The following NBPF14 variants were observed in gnomAD, a reference collection of about 807,000 sequenced individuals.
NBPF14 encodes the protein NBPF member 14.
In NBPF14, 104 loss-of-function variants were observed where a neutral mutation model predicts 91.2. That is an observed-to-expected ratio of 1.14 (90% CI 0.97 to 1.34). The LOEUF is 1.34. NBPF14 is among the 40% of genes most tolerant of loss of function. The probability of loss-of-function intolerance (pLI) is 0.00; values close to 1 mark genes in which losing one functional copy is unlikely to be tolerated. For synonymous variants in NBPF14, 294 were observed against 303.8 expected (o/e 0.97, Z 0.34); for missense variants, 908 against 783.0 (o/e 1.16, Z -1.91).
Position 148,569,611 on chromosome 1 carries a change from G to T in NBPF14, c.3093-184C>A, listed in dbSNP as rs1281594467. ...GGGCCAGATAGAAAACAATGAAAGA[G>T]AGAGACAGACAGAGACAGAGACAGA... On this transcript the variant is annotated intron_variant, in intron 24 of 70. Transcript: ENST00000619423. 1.4e-4 allele frequency among the ~76,000 whole-genome samples: 5 copies of T among 35,586 alleles called. No individual in the cohort carries two copies. In the East Asian group the frequency reaches 4.2e-3, roughly 30 times the overall value. 23.3% of individuals were successfully genotyped at this position (35,586 alleles called of 152,430 possible).
rs1296816834 is a variant in NBPF14 at position 148,534,462 on chromosome 1, C to G, written c.8614+222G>C. ...TGTCATGAGAATAGGATCAGGGCGCCACAGGTATGGCCTGAGACTAGGAAG... is the reference window on the plus strand; with the variant it reads ...TGTCATGAGAATAGGATCAGGGCGCGACAGGTATGGCCTGAGACTAGGAAG... On this transcript the variant is annotated intron_variant, in intron 69 of 70. Coordinates refer to ENST00000619423, the Ensembl canonical transcript of NBPF14. Among the ~76,000 whole-genome samples the G allele has an allele frequency of 3.7e-3, 555 of 151,758 alleles. 5 individuals carry two copies. Among genetic ancestry groups the G allele is most frequent in the African/African-American group, 0.013 (526 of 41,276 alleles).
intron 2 of NBPF14, among the ~76,000 whole-genome samples, chr1:148,595,302 G>C (rs1454899794): frequency 6.7e-6 from 1 of 148,246 alleles, no homozygotes; most frequent in Admixed American, 6.7e-5. Flanking sequence ...GCCTGCGTTA[G>C]AAATCAATAA....
chr1:148,594,927 A>G lies in NBPF14; in HGVS notation c.175+616T>C, dbSNP rs1663063987. On this transcript the variant is annotated intron_variant, in intron 2 of 70. Coordinates refer to ENST00000619423, the Ensembl canonical transcript of NBPF14. Reference sequence around the variant, plus strand: ...TGCCCAGGCTAGTCTCAAACTGCTGACCTCGTGCTCTGCCCGCCTCAGCCT... The same window carrying G: ...TGCCCAGGCTAGTCTCAAACTGCTGGCCTCGTGCTCTGCCCGCCTCAGCCT... Among the ~76,000 whole-genome samples the G allele has an allele frequency of 1.9e-4, 21 of 112,534 alleles. 1 individual carries two copies. The allele number at this position is 112,534 out of a possible 152,430, so 73.8% of individuals were successfully genotyped here. A position where few individuals can be genotyped will look rare whatever the true frequency, so the allele number is the denominator to read the frequency against.
At chr1:148,535,259 G>A (rs1262276692) in intron 68 of NBPF14, among the ~76,000 whole-genome samples, 194 bp downstream of exon 68, 6 of 150,760 alleles carry the variant, frequency 4.0e-5, no homozygotes, top group East Asian at 3.9e-4. Flanking sequence ...TCAACCTACA[G>A]TAAGTGAGTA....
At chr1:148,595,191 GAAC>G (rs1663112427) in intron 2 of NBPF14, among the ~76,000 whole-genome samples, 2 of 147,104 alleles carry the variant, frequency 1.4e-5, no homozygotes, top group Admixed American at 6.8e-5. Flanking sequence ...TAGACATTTA[GAAC>G]AACAGACTAG....
In NBPF14 at chr1:148,560,028, T is replaced by C. The variant is rs1364956547; in HGVS notation, c.4557-63A>G. 3.2e-5 allele frequency: 23 copies of C among 730,048 alleles called. 1 individual carries two copies. Among genetic ancestry groups the C allele is most frequent in the Non-Finnish European group, 5.1e-5 (21 of 408,378 alleles). 45.2% of individuals were successfully genotyped at this position (730,048 alleles called of 1,614,324 possible). On this transcript the variant is annotated intron_variant, in intron 36 of 70. Transcript: ENST00000619423. ...GAATCAGAAACCACACAGCCCCAGC[T>C]AGATTTCATGGCTAACGTAAGGAAG...
intron 4 of NBPF14, among the ~76,000 whole-genome samples, chr1:148,592,170 G>T: frequency 1.4e-5 from 2 of 140,906 alleles, no homozygotes; most frequent in Admixed American, 1.4e-4. Context: ...ACTCTGAAAA[G>T]ATAAATCACT....
exon 71 of NBPF14, chr1:148,532,463 T>C (rs1266503985): frequency 1.9e-5 from 3 of 153,868 alleles, no homozygotes; most frequent in African/African-American, 7.5e-5. Flanking sequence ...GGACTGTGGC[T>C]TCTCTAACCA....
intron 68 of NBPF14, 142 bp downstream of exon 68, chr1:148,535,311 G>A (rs1217324458): frequency 6.5e-6 from 4 of 616,976 alleles, no homozygotes; most frequent in East Asian, 2.8e-5. Flanking sequence ...AACATCTACT[G>A]CAATGAAAAC....
intron 69 of NBPF14, among the ~76,000 whole-genome samples, chr1:148,534,311 T>C (rs1307375864): frequency 6.6e-6 from 1 of 151,762 alleles, no homozygotes; most frequent in African/African-American, 2.4e-5. Flanking sequence ...CCCTGTCTCA[T>C]CAAATACTCA....
chr1:148,533,979 A>C lies in NBPF14; in HGVS notation c.8615-10T>G, dbSNP rs1412367597. On this transcript the variant is annotated splice_polypyrimidine_tract_variant and intron_variant, in intron 69 of 70. Coordinates refer to ENST00000619423, the Ensembl canonical transcript of NBPF14. ...CCCTTCTTTTCAATTTCTGCAATAAATTCAGACATGGACAGACACATTAAG... is the reference window on the plus strand; with the variant it reads ...CCCTTCTTTTCAATTTCTGCAATAACTTCAGACATGGACAGACACATTAAG... 3 of 703,942 alleles carry C rather than the reference A, an allele frequency of 4.3e-6. No homozygotes were observed. The highest frequency in any genetic ancestry group is 7.7e-6 in the Non-Finnish European group (3 of 387,914). 43.6% of individuals were successfully genotyped at this position (703,942 alleles called of 1,614,324 possible).
intron 29 of NBPF14, 32 bp downstream of exon 29, chr1:148,566,111 G>A (rs1658216120): frequency 2.2e-6 from 1 of 456,404 alleles, no homozygotes; most frequent in Non-Finnish European, 3.7e-6. Context: ...AGACTCAGTG[G>A]ATCCTTATCA....
intron 34 of NBPF14, among the ~76,000 whole-genome samples, chr1:148,561,814 C>CAGAG (rs1250718234): frequency 7.4e-6 from 1 of 134,732 alleles, no homozygotes; most frequent in Non-Finnish European, 1.5e-5. Context: ...CACACACACA[C>CAGAG]ACACAGAGAG....
At chr1:148,551,690 A>C (rs1656234707) in intron 47 of NBPF14, among the ~76,000 whole-genome samples, 1 of 13,682 alleles carries the variant, frequency 7.3e-5, no homozygotes, top group Non-Finnish European at 1.2e-4. Context: ...TTGAGTCAAA[A>C]TCATAGTTCT....
chr1:148,533,687 G>A (rs1459455207), intron 70 of NBPF14, among the ~76,000 whole-genome samples, 174 bp downstream of exon 70: 3 of 150,482 alleles, frequency 2.0e-5, no homozygotes, highest in African/African-American at 7.4e-5. Flanking sequence ...GAAATGATAA[G>A]GGGAGGAAGA....
chr1:148,533,945 T>A, exon 70 of NBPF14: 3 of 726,596 alleles, frequency 4.1e-6, no homozygotes, highest in Non-Finnish European at 5.0e-6. Context: ...CCTTCTTTTT[T>A]TCCCCTTCCC....
intron 20 of NBPF14, 94 bp from the exon 21 acceptor site, chr1:148,572,709 G>T: frequency 3.0e-6 from 2 of 658,520 alleles, no homozygotes; most frequent in Non-Finnish European, 5.3e-6. Context: ...GGAAGAGTTT[G>T]AAAAGAAAAA....
intron 7 of NBPF14, among the ~76,000 whole-genome samples, chr1:148,588,754 T>C (rs1661990061): frequency 1.3e-5 from 2 of 151,702 alleles, no homozygotes; most frequent in South Asian, 2.1e-4. Context: ...TCCCTCAGAG[T>C]CACTAGAACA....
rs1265677661 is a variant in NBPF14, at chr1:148,534,625, T to G, written c.8614+59A>C. 4 of 897,708 alleles carry G rather than the reference T, an allele frequency of 4.5e-6. No homozygotes were observed. In the East Asian group the frequency reaches 9.6e-5, roughly 21 times the overall value. The allele number at this position is 897,708 out of a possible 1,614,324, so 55.6% of individuals were successfully genotyped here. A position where few individuals can be genotyped will look rare whatever the true frequency, so the allele number is the denominator to read the frequency against. ...GAGTAAGGGCCACTTGGAATAGGAA[T>G]ATCACCCCTATCTGGAAGACCAGGT... is the stretch of plus-strand genomic sequence containing the variant. On this transcript the variant is annotated intron_variant, in intron 69 of 70. Coordinates refer to ENST00000619423, the Ensembl canonical transcript of NBPF14.
Sources: allele counts gnomAD v4.1 joint callset (sites outside exome capture counted in the v4.1 genomes callset), GRCh38; gene constraint gnomAD v4.1.1; transcripts MANE v1.5; gene names NCBI Gene and HGNC (gene_info 2026-07-23, HGNC 2026-07-21).